GIGYF1: variants seen among roughly 807,000 people sequenced by gnomAD.
The protein encoded by GIGYF1 is GRB10 interacting GYF protein 1.
Under a neutral mutation model 147.1 loss-of-function variants are expected in GIGYF1, and 84 were observed. The ratio of observed to expected loss-of-function variants is 0.57; its 90% CI spans 0.48 to 0.68. The LOEUF (loss-of-function observed/expected upper bound fraction) is 0.68, where lower values mean the gene tolerates loss of function less well. GIGYF1 is among the 30% of genes least tolerant of loss of function. GIGYF1 has a pLI of 0.00. For missense variants in GIGYF1, 1,485 were observed against 1,393.7 expected (o/e 1.07, Z -1.04); for synonymous variants, 752 against 589.5 (o/e 1.28, Z -3.99).
Position 100,683,229 on chromosome 7 carries a change from AC to A in GIGYF1, c.2194del (p.Val732CysfsTer8). The A allele has an allele frequency of 6.2e-7, 1 of 1,612,210 alleles. No homozygotes were observed. The highest frequency in any genetic ancestry group is 8.5e-7 in the Non-Finnish European group (1 of 1,179,946). ...EEEELFRRKHVRQQELLLKLL... is the reference protein window; with the variant it reads ...EEEELFRRKHXRQQELLLKLL... ...CTTCAGCAATAGCTCCTGCTGCCGCACCTAAGAGGGGGACATGGTGAGGGGA... is the reference window on the plus strand; with the variant it reads ...CTTCAGCAATAGCTCCTGCTGCCGCACTAAGAGGGGGACATGGTGAGGGGA... On this transcript the variant is annotated frameshift_variant and splice_region_variant, in exon 22 of 27. Transcript: ENST00000678049. LOFTEE classifies it high-confidence loss of function.
chr7:100,687,239 G>T (rs1805443925), intron 8 of GIGYF1, 59 bp downstream of exon 8: 1 of 1,533,832 alleles, frequency 6.5e-7, no homozygotes, highest in Non-Finnish European at 9.0e-7. Context: ...TAGCGACAGG[G>T]CCCAGGCCTC....
In GIGYF1 at chr7:100,682,632, C is replaced by T. The variant is rs371448972; in HGVS notation, c.2558G>A (p.Arg853His). Residue 853 changes from arginine to histidine, a missense_variant, in exon 23 of 27, where the codon CGT (arginine) becomes CAT (histidine). Physicochemically the swap from Arg to His is conservative, Grantham distance 29. Coordinates refer to ENST00000678049, the MANE Select transcript of GIGYF1 (RefSeq NM_001375765.1). ...CCGGCTGTTCTTCAGGCCGAGGCCACGGACCAGGCTCCCGCCGCTCTTGGG... is the reference window on the plus strand; with the variant it reads ...CCGGCTGTTCTTCAGGCCGAGGCCATGGACCAGGCTCCCGCCGCTCTTGGG... ...DTPKSGGSLV[R>H]GLGLKNSRSS... 40 of 1,597,750 alleles carry T rather than the reference C, an allele frequency of 2.5e-5. No individual in the cohort carries two copies. Among genetic ancestry groups the T allele is most frequent in the African/African-American group, 8.0e-5 (6 of 74,778 alleles).
At position 100,690,180 on chromosome 7, in the gene GIGYF1, A is replaced by T. The variant is rs1193887737; in HGVS notation, c.-1098-625T>A. Among the ~76,000 whole-genome samples the T allele has an allele frequency of 5.3e-5, 8 of 152,380 alleles. No individual in the cohort carries two copies. In the South Asian group the frequency reaches 1.7e-3, roughly 32 times the overall value. On this transcript the variant is annotated intron_variant, in intron 1 of 26. Transcript: ENST00000678049. Reference sequence around the variant, plus strand: ...AAAAAAGCTTTAGGGAACAAAAGGTATCTGGAGATAACCACCGCATACCTA... The same window carrying T: ...AAAAAAGCTTTAGGGAACAAAAGGTTTCTGGAGATAACCACCGCATACCTA...
chr7:100,682,659 G>T lies in GIGYF1; in HGVS notation c.2531C>A (p.Thr844Asn). ...GACCAGGCTCCCGCCGCTCTTGGGGGTGTCCTCCCAGAGCCCCAGGCCGCT... is the reference window on the plus strand; with the variant it reads ...GACCAGGCTCCCGCCGCTCTTGGGGTTGTCCTCCCAGAGCCCCAGGCCGCT... The part of the protein sequence containing the change: ...GSSGLGLWED[T>N]PKSGGSLVRG... Residue 844 changes from threonine (T) to asparagine (N), a missense_variant, in exon 23 of 27, where the codon ACC becomes AAC. Coordinates refer to ENST00000678049, the MANE Select transcript of GIGYF1 (RefSeq NM_001375765.1). The T allele has an allele frequency of 6.2e-7, 1 of 1,604,838 alleles. No homozygotes were observed.
Position 100,686,662 on chromosome 7 carries a change from GCGCCAGCGGTCGCCGTCT to G in GIGYF1, c.663_680del (p.Asp222_Arg227del). On this transcript the variant is annotated inframe_deletion, in exon 10 of 27. Transcript: ENST00000678049. ...CCCCAATCTCACCAGGGCTGGCGGAGCGCCAGCGGTCGCCGTCTCGCCGGGGCCCTGCTCCGAGCCTCC... is the reference window on the plus strand; with the variant it reads ...CCCCAATCTCACCAGGGCTGGCGGAGCGCCGGGGCCCTGCTCCGAGCCTCC... The G allele has an allele frequency of 6.2e-7, 1 of 1,611,838 alleles. No homozygotes were observed. The highest frequency in any genetic ancestry group is 8.5e-7 in the Non-Finnish European group (1 of 1,179,458).
rs748455947 is a variant in GIGYF1 at position 100,694,170 on chromosome 7, G to GGACGGC, written c.-1165_-1160dup. Reference sequence around the variant, plus strand: ...GCGGCGCGCGGCGGGCGGGGGCCGGGGACGGCGACGGCGGCTAGCAGCGGG... The same window carrying GGACGGC: ...GCGGCGCGCGGCGGGCGGGGGCCGGGGACGGCGACGGCGACGGCGGCTAGCAGCGGG... On this transcript the variant is annotated 5_prime_UTR_variant, in exon 1 of 27. Coordinates refer to ENST00000678049, the MANE Select transcript of GIGYF1 (RefSeq NM_001375765.1). 7 of 144,844 alleles carry GGACGGC rather than the reference G, an allele frequency of 4.8e-5. No individual in the cohort carries two copies. The highest frequency in any genetic ancestry group is 1.8e-4 in the African/African-American group (7 of 39,950). The allele number at this position is 144,844 out of a possible 1,614,324, so 9.0% of individuals were successfully genotyped here.
chr7:100,682,476 T>G lies in GIGYF1; in HGVS notation c.2607A>C (p.Ser869=). ...NSRSSPSLSD[S]YSHLSGRPIR... is the part of the protein sequence containing the mutation. ...TGGGCCGACCCGATAGGTGGCTGTA[T>G]GAGTCACTGAAGGGGGAGGGTGAGT... The change falls in exon 24 of 27, where the codon TCA becomes TCC. Residue 869 remains serine, a synonymous_variant. Coordinates refer to ENST00000678049, the MANE Select transcript of GIGYF1 (RefSeq NM_001375765.1). 5 of 1,612,022 alleles carry G rather than the reference T, an allele frequency of 3.1e-6. No individual in the cohort carries two copies. The highest frequency in any genetic ancestry group is 3.4e-6 in the Non-Finnish European group (4 of 1,179,926).
intron 1 of GIGYF1, among the ~76,000 whole-genome samples, chr7:100,693,229 G>A (rs1294900092): frequency 1.3e-5 from 2 of 152,114 alleles, no homozygotes; most frequent in Non-Finnish European, 2.9e-5. Flanking sequence ...GACCGGGAAT[G>A]CGAGTAATGA....
rs761667225 is a variant in GIGYF1 at position 100,684,865 on chromosome 7, C to T, written c.1320G>A (p.Gln440=). The T allele has an allele frequency of 6.2e-7, 1 of 1,605,086 alleles. No individual in the cohort carries two copies. Residue 440 remains glutamine (Q), a synonymous_variant, in exon 15 of 27, where the codon CAG becomes CAA. Coordinates refer to ENST00000678049, the MANE Select transcript of GIGYF1 (RefSeq NM_001375765.1). ...ACTGCTCCTCCTCCAAGGAGCTGTC[C>T]TGCAGGGAGGCCACCAGCTTCTCCG... is the stretch of plus-strand genomic sequence containing the variant. ...QEAEKLVASL[Q]DSSLEEEQFT...
rs202101561 is a variant in GIGYF1, at chr7:100,687,890, G to A, written c.166-7C>T. On this transcript the variant is annotated splice_polypyrimidine_tract_variant and splice_region_variant and intron_variant, in intron 5 of 26. Coordinates refer to ENST00000678049, the MANE Select transcript of GIGYF1 (RefSeq NM_001375765.1). ...CCTGCAGCTCTTCCGGGACCTGGCA[G>A]TGGGTTGGGACAGCCAAGACACCAC... The A allele has an allele frequency of 1.3e-4, 213 of 1,613,684 alleles. No homozygotes were observed. The East Asian group carries it at 4.5e-3, about 34-fold the overall frequency.
chr7:100,684,369 A>G (rs907131097), intron 16 of GIGYF1, 32 bp from the exon 17 acceptor site: 43 of 1,596,144 alleles, frequency 2.7e-5, no homozygotes, highest in Non-Finnish European at 3.4e-5. Flanking sequence ...CAGTGCCCCC[A>G]GCAGGGAGGA....
In GIGYF1 at chr7:100,683,541, C is replaced by T. The variant is rs994406048; in HGVS notation, c.2052+9G>A. 1 of 1,613,894 alleles carries T rather than the reference C, an allele frequency of 6.2e-7. No individual in the cohort carries two copies. Among genetic ancestry groups the T allele is most frequent in the Non-Finnish European group, 8.5e-7 (1 of 1,179,694 alleles). ...TTCCCAGGGCCTCAGCCCCAGGATG[C>T]CCACTCACTTTATGTTGCAGCTGGA... On this transcript the variant is annotated intron_variant, in intron 20 of 26. Transcript: ENST00000678049.
chr7:100,684,547 T>G lies in GIGYF1; in HGVS notation c.1532A>C (p.Lys511Thr). 1 of 1,614,090 alleles carries G rather than the reference T, an allele frequency of 6.2e-7. No individual in the cohort carries two copies. The highest frequency in any genetic ancestry group is 1.1e-5 in the South Asian group (1 of 91,086). Residue 511 changes from lysine to threonine, a missense_variant, in exon 16 of 27, where the codon AAG becomes ACG. Coordinates refer to ENST00000678049, the MANE Select transcript of GIGYF1 (RefSeq NM_001375765.1). ...CTGGAAGCCCTCATCGCAGCCCCGC[T>G]TCACCAGCAGTGACATGGAAAAGTA... ...AGYFSMSLLV[K>T]RGCDEGFQPL...
chr7:100,687,716 C>T (rs1422063850), intron 6 of GIGYF1, 72 bp downstream of exon 6: 15 of 1,534,108 alleles, frequency 9.8e-6, no homozygotes, highest in Admixed American at 3.4e-5. Flanking sequence ...AGCGCTGGCC[C>T]CTCTCCTCCT....
intron 1 of GIGYF1, among the ~76,000 whole-genome samples, chr7:100,692,723 G>C (rs1288156903): frequency 6.6e-6 from 1 of 152,214 alleles, no homozygotes. Flanking sequence ...TAACCACCAC[G>C]TGGGACCCTC....
rs747855777 is a variant in GIGYF1 at position 100,687,402 on chromosome 7, G to A, written c.378C>T (p.Arg126=). The change falls in exon 8 of 27, where the codon CGC becomes CGT. Residue 126 remains arginine (R), a synonymous_variant. Transcript: ENST00000678049. ...GGTAAAAGCAGCTGTCACCACGGCC[G>A]CGGCCTAGAGAAGAGGCCAGACGCA... The part of the protein sequence containing the change: ...RGRGSTRSRG[R]GRGDSCFYQR... 11 of 1,613,246 alleles carry A rather than the reference G, an allele frequency of 6.8e-6. No homozygotes were observed. The highest frequency in any genetic ancestry group is 4.5e-5 in the East Asian group (2 of 44,872).
At position 100,684,343 on chromosome 7, in the gene GIGYF1, C is replaced by A; in HGVS notation, c.1630-6G>T. 1 of 1,594,880 alleles carries A rather than the reference C, an allele frequency of 6.3e-7. No individual in the cohort carries two copies. Among genetic ancestry groups the A allele is most frequent in the Non-Finnish European group, 8.5e-7 (1 of 1,172,020 alleles). On this transcript the variant is annotated splice_polypyrimidine_tract_variant and splice_region_variant and intron_variant, in intron 16 of 26. Transcript: ENST00000678049. The stretch of plus-strand genomic sequence containing the variant: ...CGCTCCTGGTCCATGTTTCCCTGCT[C>A]AGGTGAGAGCTCGGCCAGTGCCCCC...
chr7:100,685,221 G>C (rs1011807565), intron 13 of GIGYF1, 75 bp from the exon 14 acceptor site: 5 of 1,519,588 alleles, frequency 3.3e-6, no homozygotes, highest in Non-Finnish European at 4.5e-6. Context: ...TCTCACTCCA[G>C]AACACCACGC....
chr7:100,684,330 A>G lies in GIGYF1; in HGVS notation c.1637T>C (p.Met546Thr). The G allele has an allele frequency of 1.3e-6, 2 of 1,597,034 alleles. No homozygotes were observed. The highest frequency in any genetic ancestry group is 1.7e-6 in the Non-Finnish European group (2 of 1,172,936). Residue 546 changes from methionine to threonine, a missense_variant, in exon 17 of 27, where the codon ATG becomes ACG. Coordinates refer to ENST00000678049, the MANE Select transcript of GIGYF1 (RefSeq NM_001375765.1). The part of the protein sequence containing the change: ...GPSPPPLLGN[M>T]DQERLKKQQE... ...TTGCTTCTTCAGCCGCTCCTGGTCC[A>G]TGTTTCCCTGCTCAGGTGAGAGCTC...
Sources: allele counts gnomAD v4.1 joint callset (sites outside exome capture counted in the v4.1 genomes callset), GRCh38; gene constraint gnomAD v4.1.1; transcripts MANE v1.5; gene names NCBI Gene and HGNC (gene_info 2026-07-23, HGNC 2026-07-21).